Variants in IRF8 observed in about 807,000 individuals in gnomAD.
IRF8 encodes interferon regulatory factor 8.
Under a neutral mutation model 48.7 loss-of-function variants are expected in IRF8, and 14 were observed. The ratio of observed to expected loss-of-function variants is 0.29; its 90% CI spans 0.19 to 0.45. The LOEUF (loss-of-function observed/expected upper bound fraction) is 0.45. Ranked by LOEUF, IRF8 falls within the 20% of genes least tolerant of loss-of-function variation. IRF8 has a pLI of 1.00. For synonymous variants in IRF8, 278 were observed against 227.3 expected (o/e 1.22, Z -2.01); for missense variants, 493 against 580.7 (o/e 0.85, Z 1.55).
At position 85,921,125 on chromosome 16, in the gene IRF8, G is replaced by A. The variant is rs372592381; in HGVS notation, c.1124G>A (p.Arg375Gln). The stretch of plus-strand genomic sequence containing the variant: ...ATCTAGATTGAGCAGCTGTATGTCC[G>A]GCAACTGGCAGAAGAGGCTGGGAAG... ...ILVQIEQLYV[R>Q]QLAEEAGKSC... The change falls in exon 9 of 9, where the codon CGG becomes CAG. Residue 375 changes from arginine to glutamine, a missense_variant. Arg to Gln is a conservative substitution (Grantham distance 43). This residue lies in a region of IRF8 where 408 missense variants were observed against 449.6 expected (regional missense o/e 0.91). Transcript: ENST00000268638. 2.4e-5 allele frequency: 38 copies of A among 1,613,542 alleles called. No homozygotes were observed. The highest frequency in any genetic ancestry group is 8.0e-5 in the African/African-American group (6 of 74,898).
chr16:85,913,472 TC>T (rs992513128), intron 5 of IRF8, among the ~76,000 whole-genome samples: 12 of 152,236 alleles, frequency 7.9e-5, no homozygotes, highest in Admixed American at 5.9e-4. Flanking sequence ...AGCTGCTTGT[TC>T]CCTAGGTGAT....
rs751125215 is a variant in IRF8 at position 85,921,298 on chromosome 16, G to C, written c.*16G>C. Reference sequence around the variant, plus strand: ...CACCGTCTAAGTGCGTCGCTTGGGCGCCCCACCCCGTCTGCGTCCTGCATC... The same window carrying C: ...CACCGTCTAAGTGCGTCGCTTGGGCCCCCCACCCCGTCTGCGTCCTGCATC... On this transcript the variant is annotated 3_prime_UTR_variant, in exon 9 of 9. Transcript: ENST00000268638. The C allele has an allele frequency of 5.0e-6, 8 of 1,612,022 alleles. No homozygotes were observed. In the South Asian group the frequency reaches 8.8e-5, roughly 18 times the overall value.
intron 2 of IRF8, among the ~76,000 whole-genome samples, chr16:85,907,933 CTCT>C (rs1905051197): frequency 6.6e-6 from 1 of 151,818 alleles, no homozygotes; most frequent in Non-Finnish European, 1.5e-5. Context: ...AGTTACTTAC[CTCT>C]TGGAATTGCA....
chr16:85,909,847 T>C (rs894416424), intron 3 of IRF8: 2 of 152,730 alleles, frequency 1.3e-5, no homozygotes. Context: ...TGCCATGAAT[T>C]GTAGCTGATT....
chr16:85,915,942 A>C (rs1421880226), intron 6 of IRF8, among the ~76,000 whole-genome samples: 2 of 151,848 alleles, frequency 1.3e-5, no homozygotes, highest in Non-Finnish European at 2.9e-5. Context: ...ACCTCTATGT[A>C]AATCCATGCT....
At position 85,921,683 on chromosome 16, in the gene IRF8, G is replaced by T. The variant is rs1905577007; in HGVS notation, c.*401G>T. 3.9e-6 allele frequency: 1 copy of T among 257,224 alleles called. No homozygotes were observed. The highest frequency in any genetic ancestry group is 7.6e-6 in the Non-Finnish European group (1 of 131,054). 15.9% of individuals were successfully genotyped at this position (257,224 alleles called of 1,614,324 possible). ...AAAATCAACTTGTGAAAACAAGGTT[G>T]TTTTTGTCTTTATCGTTTGTTAGAG... On this transcript the variant is annotated 3_prime_UTR_variant, in exon 9 of 9. Transcript: ENST00000268638.
intron 6 of IRF8, among the ~76,000 whole-genome samples, chr16:85,915,457 G>T (rs1487623668): frequency 6.6e-6 from 1 of 152,158 alleles, no homozygotes; most frequent in Admixed American, 6.5e-5. Flanking sequence ...CACCCAGGCA[G>T]GAAAACTGTC....
chr16:85,918,895 T>G (rs1410077582), intron 7 of IRF8, 92 bp downstream of exon 7: 12 of 1,506,698 alleles, frequency 8.0e-6, no homozygotes, highest in Non-Finnish European at 1.1e-5. Flanking sequence ...CCCTGTGGTC[T>G]CATGGAGGGA....
chr16:85,911,500 GA>G, intron 3 of IRF8, 69 bp from the exon 4 acceptor site: 2 of 1,274,130 alleles, frequency 1.6e-6, no homozygotes, highest in Non-Finnish European at 2.3e-6. Context: ...TTACAGAGTA[GA>G]TTATGGCTTC....
At chr16:85,916,462 C>G (rs530079724) in intron 6 of IRF8, among the ~76,000 whole-genome samples, 16 of 152,322 alleles carry the variant, frequency 1.1e-4, no homozygotes, top group African/African-American at 3.8e-4. Context: ...AGAAGGCTCA[C>G]CTGCCTCACC....
chr16:85,907,373 A>T (rs1905035048), intron 2 of IRF8, among the ~76,000 whole-genome samples: 1 of 152,230 alleles, frequency 6.6e-6, no homozygotes, highest in South Asian at 2.1e-4. Context: ...AAATCCCTGG[A>T]ATACTGGCTA....
rs76491287 is a variant in IRF8, at chr16:85,913,450, C to T, written c.553+214C>T. The T allele has an allele frequency of 3.7e-3, 2,157 of 590,310 alleles. 36 individuals are homozygous for T. The highest frequency in any genetic ancestry group is 0.036 in the African/African-American group (1,925 of 54,120). The allele number at this position is 590,310 out of a possible 1,614,324, so 36.6% of individuals were successfully genotyped here. A position where few individuals can be genotyped will look rare whatever the true frequency, so the allele number is the denominator to read the frequency against. ...TTTGGCCCTGCTCTCCGCTGCTTCT[C>T]AGGAGGGCACAAGCTGCTTGTTCCC... On this transcript the variant is annotated intron_variant, in intron 5 of 8. Transcript: ENST00000268638.
intron 1 of IRF8, among the ~76,000 whole-genome samples, chr16:85,902,018 A>G (rs1248414804): frequency 6.6e-6 from 1 of 151,184 alleles, no homozygotes; most frequent in Non-Finnish European, 1.5e-5. Flanking sequence ...TCGATAGGTC[A>G]TGCTAGTTCT....
At chr16:85,906,885 AC>A (rs1053362615) in intron 2 of IRF8, among the ~76,000 whole-genome samples, 11 of 150,312 alleles carry the variant, frequency 7.3e-5, no homozygotes, top group Admixed American at 2.0e-4. Context: ...CCACAGGACC[AC>A]CCCGCCACAA....
At chr16:85,904,812 C>CTTTT (rs1177860791) in intron 2 of IRF8, among the ~76,000 whole-genome samples, 1,674 of 87,584 alleles carry the variant, frequency 0.019, 211 homozygotes, top group African/African-American at 0.076. Flanking sequence ...GATTGCAGAT[C>CTTTT]TTTTTTTTTT....
At chr16:85,916,147 C>T (rs376448930) in intron 6 of IRF8, among the ~76,000 whole-genome samples, 1 of 152,216 alleles carries the variant, frequency 6.6e-6, no homozygotes. Flanking sequence ...CTGGTGCTTA[C>T]CTGTGCCGAG....
In IRF8 at chr16:85,899,238, CG is replaced by C. The variant is rs1904741393; in HGVS notation, c.-2+18del. 1 of 152,160 alleles carries C rather than the reference CG, an allele frequency of 6.6e-6. No homozygotes were observed. Among genetic ancestry groups the C allele is most frequent in the Admixed American group, 6.5e-5 (1 of 15,282 alleles). The allele number at this position is 152,160 out of a possible 1,614,324, so 9.4% of individuals were successfully genotyped here. A position where few individuals can be genotyped will look rare whatever the true frequency, so the allele number is the denominator to read the frequency against. Reference sequence around the variant, plus strand: ...GACGGCGGCAGGTAGGCACAGTGGGCGGGTAGGGCGCCCGTGTCCCGCGCGG... The same window carrying C: ...GACGGCGGCAGGTAGGCACAGTGGGCGGTAGGGCGCCCGTGTCCCGCGCGG... On this transcript the variant is annotated intron_variant, in intron 1 of 8. Transcript: ENST00000268638.
chr16:85,913,178 G>T lies in IRF8; in HGVS notation c.495G>T (p.Pro165=), dbSNP rs532341216. Residue 165 remains proline, a synonymous_variant, in exon 5 of 9, where the codon CCG becomes CCT. Transcript: ENST00000268638. ...YMGMIKRSPS[P]PEACRSQLLP... is the part of the protein sequence containing the mutation. ...GGATGATCAAAAGGAGCCCTTCCCC[G>T]CCGGAGGCCTGTCGGAGTCAGCTCC... is the stretch of plus-strand genomic sequence containing the variant. 46 of 1,614,192 alleles carry T rather than the reference G, an allele frequency of 2.8e-5. No homozygotes were observed. In the East Asian group the frequency reaches 9.6e-4, roughly 34 times the overall value.
chr16:85,904,968 A>G lies in IRF8; in HGVS notation c.174+1779A>G, dbSNP rs558414626. ...GAATTTCTCTGCCTCGCCACTGTTG[A>G]TGTCTGGGTCTGGGCAATTCTTTGT... On this transcript the variant is annotated intron_variant, in intron 2 of 8. Transcript: ENST00000268638. 1.8e-4 allele frequency among the ~76,000 whole-genome samples: 28 copies of G among 152,126 alleles called. No homozygotes were observed. The South Asian group carries it at 5.4e-3, about 29-fold the overall frequency.
Sources: gnomAD v4.1 joint callset for allele counts (sites outside exome capture counted in the v4.1 genomes callset) on GRCh38, gnomAD v4.1.1 for gene constraint, gnomAD v4.1.1 regional missense constraint, MANE v1.5 for transcripts, NCBI Gene and HGNC (gene_info 2026-07-23, HGNC 2026-07-21) for gene names.